Variants in ZBTB25 observed in about 807,000 individuals in gnomAD.
The protein encoded by ZBTB25 is zinc finger and BTB domain-containing protein 25.
In ZBTB25, 20 loss-of-function variants were observed where a neutral mutation model predicts 34.2. The ratio of observed to expected loss-of-function variants is 0.58; its 90% confidence interval spans 0.41 to 0.85. The LOEUF is 0.85. ZBTB25 is among the 40% of genes least tolerant of loss of function. The pLI, the probability that ZBTB25 is intolerant of heterozygous loss-of-function variation, is 0.00. For synonymous variants in ZBTB25, 175 were observed against 186.4 expected (o/e 0.94, Z 0.50); for missense variants, 437 against 521.8 (o/e 0.84, Z 1.58).
intron 1 of ZBTB25, among the ~76,000 whole-genome samples, chr14:64,500,857 C>T (rs969549031): frequency 1.3e-5 from 2 of 152,182 alleles, no homozygotes; most frequent in Non-Finnish European, 2.9e-5. Flanking sequence ...TCAAGACCCG[C>T]CTGGCCAACA....
chr14:64,459,208 C>A (rs2078523672), intron 2 of ZBTB25, among the ~76,000 whole-genome samples: 1 of 152,090 alleles, frequency 6.6e-6, no homozygotes, highest in Non-Finnish European at 1.5e-5. Flanking sequence ...TAGCAATGTA[C>A]TTAGCAAAAT....
intron 2 of ZBTB25, among the ~76,000 whole-genome samples, chr14:64,453,209 TATATAG>T (rs1289828466): frequency 2.0e-5 from 3 of 152,146 alleles, no homozygotes; most frequent in African/African-American, 7.2e-5. Context: ...TATATCTGCA[TATATAG>T]ATATAAAAAC....
chr14:64,492,552 A>G (rs903229508), intron 1 of ZBTB25, among the ~76,000 whole-genome samples: 12 of 151,812 alleles, frequency 7.9e-5, no homozygotes, highest in African/African-American at 2.9e-4. Context: ...CTTAGAATCA[A>G]TGAAATGGTT....
Position 64,484,939 on chromosome 14 carries a change from T to C in ZBTB25, c.*1984A>G. 11 of 949,148 alleles carry C rather than the reference T, an allele frequency of 1.2e-5. No individual in the cohort carries two copies. The highest frequency in any genetic ancestry group is 1.4e-5 in the Non-Finnish European group (11 of 796,996). 58.8% of individuals were successfully genotyped at this position (949,148 alleles called of 1,614,324 possible). A position where few individuals can be genotyped will look rare whatever the true frequency, so the allele number is the denominator to read the frequency against. ...AAAAAAGTTTAAGATTAGACAAAGT[T>C]CTGACCCCAAAGAACATACATTTGT... On this transcript the variant is annotated 3_prime_UTR_variant, in exon 3 of 3. Transcript: ENST00000608382.
At chr14:64,452,683 T>G (rs1363178638) in intron 2 of ZBTB25, among the ~76,000 whole-genome samples, 1 of 152,216 alleles carries the variant, frequency 6.6e-6, no homozygotes, top group Non-Finnish European at 1.5e-5. Context: ...TGATTTTGAT[T>G]TTATGACTAT....
intron 2 of ZBTB25, among the ~76,000 whole-genome samples, chr14:64,464,545 T>G (rs867587397): frequency 6.6e-6 from 1 of 152,154 alleles, no homozygotes; most frequent in Non-Finnish European, 1.5e-5. Context: ...ACACCTGACA[T>G]TTACACTCCC....
chr14:64,475,174 TCA>T (rs2078708096), downstream of ZBTB25, among the ~76,000 whole-genome samples: 3 of 152,154 alleles, frequency 2.0e-5, no homozygotes, highest in South Asian at 6.2e-4. Flanking sequence ...GCGCGGTGGC[TCA>T]CACCTGTAAT....
downstream of ZBTB25, chr14:64,474,018 C>T (rs193010854): frequency 6.0e-6 from 1 of 167,182 alleles, no homozygotes; most frequent in Admixed American, 6.5e-5. Flanking sequence ...TTAGGCATAA[C>T]TCATACCTAA....
downstream of ZBTB25, among the ~76,000 whole-genome samples, chr14:64,476,734 G>GT (rs2078723668): frequency 7.0e-6 from 1 of 143,334 alleles, no homozygotes; most frequent in East Asian, 2.0e-4. Flanking sequence ...CTCAATTCAG[G>GT]TAAAAAAAAA....
At chr14:64,491,053 G>C (rs935418148) in intron 1 of ZBTB25, among the ~76,000 whole-genome samples, 18 of 152,332 alleles carry the variant, frequency 1.2e-4, no homozygotes, top group African/African-American at 4.3e-4. Context: ...GTGCTCAGGG[G>C]ATACTGGCTT....
intron 2 of ZBTB25, among the ~76,000 whole-genome samples, chr14:64,450,454 C>T (rs1046965497): frequency 2.0e-5 from 3 of 152,154 alleles, no homozygotes; most frequent in African/African-American, 7.2e-5. Flanking sequence ...TCATTTTTTC[C>T]ATCACTAAGC....
intron 1 of ZBTB25, among the ~76,000 whole-genome samples, chr14:64,493,575 T>C (rs2079163299): frequency 6.6e-6 from 1 of 152,170 alleles, no homozygotes; most frequent in South Asian, 2.1e-4. Context: ...AGGAGCCTAC[T>C]ATGGTATCAA....
At chr14:64,491,595 A>G (rs2079080209) in intron 1 of ZBTB25, among the ~76,000 whole-genome samples, 2 of 152,250 alleles carry the variant, frequency 1.3e-5, no homozygotes, top group African/African-American at 4.8e-5. Context: ...GAGGAAGAAC[A>G]TGCAGAATTC....
intron 1 of ZBTB25, among the ~76,000 whole-genome samples, chr14:64,502,242 CA>C (rs772137564): frequency 3.3e-5 from 5 of 152,212 alleles, no homozygotes; most frequent in South Asian, 2.1e-4. Flanking sequence ...TAGGACTGGA[CA>C]AAAAAGGTGT....
Position 64,484,222 on chromosome 14 carries a change from T to C in ZBTB25, c.*2701A>G, listed in dbSNP as rs1023631888. The C allele has an allele frequency of 1.3e-5, 2 of 152,208 alleles. No individual in the cohort carries two copies. Among genetic ancestry groups the C allele is most frequent in the Non-Finnish European group, 2.9e-5 (2 of 68,026 alleles). 9.4% of individuals were successfully genotyped at this position (152,208 alleles called of 1,614,324 possible). On this transcript the variant is annotated 3_prime_UTR_variant, in exon 3 of 3. Transcript: ENST00000608382. ...ATTTTCTTAACTCTCAACGAACAGA[T>C]ATATTTCTGCTTTAAATGAGTGTTG...
chr14:64,452,001 T>G (rs746562670), intron 2 of ZBTB25, among the ~76,000 whole-genome samples: 34 of 152,202 alleles, frequency 2.2e-4, no homozygotes, highest in Non-Finnish European at 4.1e-4. Context: ...TTGCTCCTTT[T>G]AAAAACAAAA....
intron 2 of ZBTB25, chr14:64,469,772 T>C (rs775935908): frequency 1.5e-5 from 14 of 909,624 alleles, no homozygotes; most frequent in Non-Finnish European, 2.2e-5. Flanking sequence ...AATGAGAGAT[T>C]TATCATCTCT....
intron 2 of ZBTB25, among the ~76,000 whole-genome samples, chr14:64,466,456 T>C (rs2078614569): frequency 6.6e-6 from 1 of 152,214 alleles, no homozygotes; most frequent in Admixed American, 6.5e-5. Context: ...TATGTGGTAA[T>C]ACAGCCTCTG....
At chr14:64,454,600 G>A in intron 2 of ZBTB25, 1 of 758,530 alleles carries the variant, frequency 1.3e-6, no homozygotes, top group Middle Eastern at 3.6e-4. Flanking sequence ...AGATAGAGAT[G>A]TATATAAAGG....
Sources: gnomAD v4.1 joint callset for allele counts (sites outside exome capture counted in the v4.1 genomes callset) on GRCh38, gnomAD v4.1.1 for gene constraint, MANE v1.5 for transcripts, NCBI Gene and HGNC (gene_info 2026-07-23, HGNC 2026-07-21) for gene names.